RNF216: variants seen among roughly 807,000 people sequenced by gnomAD.
The protein encoded by RNF216 is ring finger protein 216.
In RNF216, 72 loss-of-function variants were observed where a neutral mutation model predicts 110.8. The ratio of observed to expected loss-of-function variants is 0.65; its 90% CI spans 0.54 to 0.79. The LOEUF (loss-of-function observed/expected upper bound fraction) is 0.79, where lower values mean the gene tolerates loss of function less well. Among genes scored for constraint, RNF216 ranks in the 30% least tolerant of loss-of-function variants. The pLI is 0.00. For synonymous variants in RNF216, 495 were observed against 407.5 expected (o/e 1.21, Z -2.59); for missense variants, 1,342 against 1,141.2 (o/e 1.18, Z -2.54).
In RNF216 at chr7:5,691,386, G is replaced by A. The variant is rs144480512; in HGVS notation, c.2061+20375C>T. ...TGTTCTGGCTGGATTGCTCCTGGCT[G>A]GATTGCTCCAGGCCCATTAATGATA... On this transcript the variant is annotated intron_variant, in intron 13 of 16. Transcript: ENST00000389902. 7.2e-5 allele frequency among the ~76,000 whole-genome samples: 11 copies of A among 152,266 alleles called. No individual in the cohort carries two copies. The East Asian group carries it at 2.1e-3, about 29-fold the overall frequency.
In RNF216 at chr7:5,652,409, T is replaced by C. The variant is rs1788449696; in HGVS notation, c.2159+4A>G. 1 of 1,599,018 alleles carries C rather than the reference T, an allele frequency of 6.3e-7. No individual in the cohort carries two copies. Among genetic ancestry groups the C allele is most frequent in the Admixed American group, 1.7e-5 (1 of 59,960 alleles). On this transcript the variant is annotated splice_donor_region_variant and intron_variant, in intron 14 of 16. Coordinates refer to ENST00000389902, the MANE Select transcript of RNF216 (RefSeq NM_207111.4). ...CCATAGCCCCTCTGAATTCTGTTAC[T>C]CACATAGAGGTACGGTACTTGATGT...
Position 5,741,511 on chromosome 7 carries a change from A to G in RNF216, c.506T>C (p.Ile169Thr), listed in dbSNP as rs899071945. Residue 169 changes from isoleucine (I) to threonine (T), a missense_variant, in exon 4 of 17, where the codon ATT becomes ACT. By Grantham distance (89) the Ile-to-Thr change is moderately conservative (BLOSUM62 -1). Transcript: ENST00000389902. ...TTTCTGCTCTGATCTGGGGTTGACA[A>G]TGTCATTTGCTGCTTGGTTATGACT... ...GPSHNQAAND[I>T]VNPRSEQKVI... 1.2e-6 allele frequency: 2 copies of G among 1,614,156 alleles called. No homozygotes were observed. Among genetic ancestry groups the G allele is most frequent in the Admixed American group, 3.3e-5 (2 of 60,012 alleles).
intron 13 of RNF216, among the ~76,000 whole-genome samples, chr7:5,653,957 T>C (rs1788567419): frequency 6.6e-6 from 1 of 152,232 alleles, no homozygotes; most frequent in African/African-American, 2.4e-5. Flanking sequence ...GGCAAGGCCT[T>C]GAAGGGCATG....
chr7:5,769,181 A>C (rs2128678266), intron 1 of RNF216, among the ~76,000 whole-genome samples: 1 of 150,714 alleles, frequency 6.6e-6, no homozygotes, highest in South Asian at 2.1e-4. Flanking sequence ...GCAGTGGCAC[A>C]ATCTCAGCTC....
chr7:5,769,905 CG>C (rs1562479343), intron 1 of RNF216, among the ~76,000 whole-genome samples: 4 of 149,342 alleles, frequency 2.7e-5, no homozygotes, highest in Admixed American at 1.3e-4. Context: ...GGCTTGGTGG[CG>C]AGTGCTTGTA....
At chr7:5,638,426 G>A (rs1787530387) in intron 15 of RNF216, among the ~76,000 whole-genome samples, 1 of 152,086 alleles carries the variant, frequency 6.6e-6, no homozygotes, top group Non-Finnish European at 1.5e-5. Flanking sequence ...TTCTAATTAA[G>A]AGGAACTCCC....
At chr7:5,661,159 T>TG (rs1176030927) in intron 13 of RNF216, among the ~76,000 whole-genome samples, 1 of 151,350 alleles carries the variant, frequency 6.6e-6, no homozygotes, top group Non-Finnish European at 1.5e-5. Flanking sequence ...AGGCTGGTCT[T>TG]GAATTCCTGG....
At chr7:5,690,756 G>T (rs531024217) in intron 13 of RNF216, among the ~76,000 whole-genome samples, 16 of 143,690 alleles carry the variant, frequency 1.1e-4, no homozygotes, top group Non-Finnish European at 1.9e-4. Context: ...TGATGCTCCT[G>T]CAATACAGCC....
Position 5,638,436 on chromosome 7 carries a change from C to G in RNF216, c.2382+2718G>C, listed in dbSNP as rs1787531238. 2.0e-5 allele frequency among the ~76,000 whole-genome samples: 3 copies of G among 152,124 alleles called. No homozygotes were observed. In the South Asian group the frequency reaches 6.2e-4, roughly 31 times the overall value. On this transcript the variant is annotated intron_variant, in intron 15 of 16. Coordinates refer to ENST00000389902, the MANE Select transcript of RNF216 (RefSeq NM_207111.4). ...ACCTTTTCTAATTAAGAGGAACTCC[C>G]AGATCAAGTACACGCACTACATCTT...
chr7:5,633,850 G>C (rs1267213276), intron 15 of RNF216, among the ~76,000 whole-genome samples: 1 of 152,178 alleles, frequency 6.6e-6, no homozygotes, highest in Non-Finnish European at 1.5e-5. Flanking sequence ...ATTTACCAGA[G>C]AGGTTTTAAT....
At chr7:5,632,267 CCCT>C (rs1242232378) in intron 15 of RNF216, among the ~76,000 whole-genome samples, 1 of 152,182 alleles carries the variant, frequency 6.6e-6, no homozygotes, top group Non-Finnish European at 1.5e-5. Context: ...ATGGTGCATC[CCCT>C]CGAGGGCTGC....
chr7:5,712,495 G>T (rs1401469960), intron 12 of RNF216, among the ~76,000 whole-genome samples: 1 of 151,916 alleles, frequency 6.6e-6, no homozygotes, highest in Non-Finnish European at 1.5e-5. Context: ...AGAAGTTTGA[G>T]GGGCAGATTT....
At chr7:5,649,772 T>C (rs901772241) in intron 14 of RNF216, 1 of 152,238 alleles carries the variant, frequency 6.6e-6, no homozygotes, top group African/African-American at 2.4e-5. Flanking sequence ...GAGGACAGTG[T>C]ATTACTTTAA....
chr7:5,655,125 C>T (rs185421834), intron 13 of RNF216, among the ~76,000 whole-genome samples: 13 of 152,196 alleles, frequency 8.5e-5, no homozygotes, highest in African/African-American at 2.7e-4. Context: ...AGGGAAGAAA[C>T]CCCATTTTTG....
At chr7:5,706,510 T>A (rs1211438158) in intron 13 of RNF216, among the ~76,000 whole-genome samples, 2 of 152,254 alleles carry the variant, frequency 1.3e-5, no homozygotes, top group Non-Finnish European at 2.9e-5. Flanking sequence ...CTAATTGCAC[T>A]GAACACAATG....
At chr7:5,640,256 G>A (rs74623215) in intron 15 of RNF216, among the ~76,000 whole-genome samples, 6,629 of 152,066 alleles carry the variant, frequency 0.044, 155 homozygotes, top group South Asian at 0.069. Flanking sequence ...TTGCCAGTGA[G>A]AATTTATTAT....
chr7:5,667,729 G>C (rs1381874641), intron 13 of RNF216, among the ~76,000 whole-genome samples: 1 of 152,212 alleles, frequency 6.6e-6, no homozygotes, highest in Admixed American at 6.5e-5. Context: ...CTGCCTGCTG[G>C]AACTCCACTG....
intron 13 of RNF216, among the ~76,000 whole-genome samples, chr7:5,664,346 T>C (rs77573249): frequency 6.6e-6 from 1 of 152,324 alleles, no homozygotes; most frequent in African/African-American, 2.4e-5. Context: ...GTCCTTCCTT[T>C]CTTTGCTCCC....
rs1787716188 is a variant in RNF216, at chr7:5,641,268, C to A, written c.2268G>T (p.Met756Ile). Residue 756 changes from methionine (M) to isoleucine (I), a missense_variant, in exon 15 of 17, where the codon ATG becomes ATT. By Grantham distance (10) the Met-to-Ile change is conservative (BLOSUM62 1). Transcript: ENST00000389902. ...TAATAGAAACTCGACAGAGGTAGCACATCTGGGCACCACAGCGGCAAGACA... is the reference window on the plus strand; with the variant it reads ...TAATAGAAACTCGACAGAGGTAGCAAATCTGGGCACCACAGCGGCAAGACA... ...NRMSCRCGAQ[M>I]CYLCRVSING... 6.2e-7 allele frequency: 1 copy of A among 1,614,026 alleles called. No homozygotes were observed. Among genetic ancestry groups the A allele is most frequent in the African/African-American group, 1.3e-5 (1 of 74,912 alleles).
Sources: allele counts gnomAD v4.1 joint callset (sites outside exome capture counted in the v4.1 genomes callset), GRCh38; gene constraint gnomAD v4.1.1; transcripts MANE v1.5; gene names NCBI Gene and HGNC (gene_info 2026-07-23, HGNC 2026-07-21).